Variants in PCDH15 observed in about 807,000 individuals in gnomAD.
PCDH15 encodes protocadherin related 15, also known as protocadherin-15.
PCDH15 carries 129 observed loss-of-function variants against 178.5 expected under a neutral mutation model. That is an observed-to-expected ratio of 0.72 (90% confidence interval 0.63 to 0.84). PCDH15 has a LOEUF of 0.84. Ranked by LOEUF, PCDH15 falls within the 40% of genes least tolerant of loss-of-function variation. The pLI, the probability that PCDH15 is intolerant of heterozygous loss-of-function variation, is 0.00. For missense variants in PCDH15, 2,230 were observed against 2,099.9 expected (o/e 1.06, Z -1.21); for synonymous variants, 800 against 732.0 (o/e 1.09, Z -1.50).
In PCDH15 at chr10:54,348,695, G is replaced by T. The variant is rs562554831; in HGVS notation, c.475-2211C>A. ...ACATATCTATTATATACTTTTTTGT[G>T]GTGAGAGCACTTAAAAAATCTATTT... is the stretch of plus-strand genomic sequence containing the variant. On this transcript the variant is annotated intron_variant, in intron 5 of 37. Transcript: ENST00000644397. 2.0e-5 allele frequency among the ~76,000 whole-genome samples: 3 copies of T among 151,982 alleles called. No individual in the cohort carries two copies. The South Asian group carries it at 6.2e-4, about 32-fold the overall frequency.
intron 8 of PCDH15, among the ~76,000 whole-genome samples, chr10:54,274,558 C>T (rs1048591902): frequency 5.3e-5 from 8 of 150,514 alleles, no homozygotes; most frequent in Non-Finnish European, 4.4e-5. Flanking sequence ...CAACACTATG[C>T]GATGAAAATT....
At chr10:54,244,701 C>T (rs181943792) in intron 8 of PCDH15, among the ~76,000 whole-genome samples, 227 of 152,294 alleles carry the variant, frequency 1.5e-3, no homozygotes, top group African/African-American at 4.7e-3. Context: ...TATTCTGGTT[C>T]CTACTTCTCA....
rs148492975 is a variant in PCDH15, at chr10:54,017,157, G to A, written c.2751+3035C>T. On this transcript the variant is annotated intron_variant, in intron 20 of 37. Coordinates refer to ENST00000644397, the MANE Select transcript of PCDH15 (RefSeq NM_001384140.1). The stretch of plus-strand genomic sequence containing the variant: ...TCCTGCCTCAGCCTCCTGAGTAGCT[G>A]GGGTTACAGTTGTGTGCCACCATGC... 9.1e-3 allele frequency among the ~76,000 whole-genome samples: 1,388 copies of A among 152,146 alleles called. 22 individuals carry two copies. Among genetic ancestry groups the A allele is most frequent in the African/African-American group, 0.033 (1,351 of 41,476 alleles).
At chr10:54,761,729 AAAAC>A (rs892613387) in intron 1 of PCDH15, among the ~76,000 whole-genome samples, 4 of 149,180 alleles carry the variant, frequency 2.7e-5, no homozygotes, top group Non-Finnish European at 4.4e-5. Context: ...AAAACAAAAC[AAAAC>A]AGTTAAGGGG....
At chr10:54,060,152 G>A (rs1287601896) in intron 18 of PCDH15, among the ~76,000 whole-genome samples, 9 of 152,036 alleles carry the variant, frequency 5.9e-5, no homozygotes, top group Non-Finnish European at 1.2e-4. Flanking sequence ...ATGTTGATTT[G>A]TACATTTGTT....
At chr10:55,250,606 G>A (rs1284877843) in intron 1 of PCDH15, among the ~76,000 whole-genome samples, 2 of 138,122 alleles carry the variant, frequency 1.4e-5, no homozygotes, top group African/African-American at 2.8e-5. Context: ...GTGTGATCTC[G>A]GCTCACTGCA....
chr10:55,340,461 C>G (rs958160325), intron 2 of PCDH15, among the ~76,000 whole-genome samples: 4 of 151,844 alleles, frequency 2.6e-5, no homozygotes, highest in African/African-American at 9.7e-5. Flanking sequence ...TCATACTAGA[C>G]TACTCAGTGT....
intron 7 of PCDH15, among the ~76,000 whole-genome samples, chr10:54,320,245 A>C (rs1216292295): frequency 1.3e-5 from 2 of 152,082 alleles, no homozygotes; most frequent in African/African-American, 4.8e-5. Flanking sequence ...AAGAAAAAAC[A>C]AGGAAATCTA....
chr10:55,615,649 A>G (rs1326886305), intron 2 of PCDH15, among the ~76,000 whole-genome samples: 1 of 152,162 alleles, frequency 6.6e-6, no homozygotes, highest in Non-Finnish European at 1.5e-5. Flanking sequence ...AATAAGGTCA[A>G]TTGAGTCTAG....
chr10:55,538,594 CTTCCT>C lies in PCDH15; in HGVS notation c.-156+89026_-156+89030del, dbSNP rs1457264264. Among the ~76,000 whole-genome samples, 67 of 79,102 alleles carry C rather than the reference CTTCCT, an allele frequency of 8.5e-4. 1 individual carries two copies. Among genetic ancestry groups the C allele is most frequent in the East Asian group, 6.5e-3 (7 of 1,072 alleles). The allele number at this position is 79,102 out of a possible 152,430, so 51.9% of individuals were successfully genotyped here. ...CCTTCCTCCTTTCCTTCCTTCCTTC[CTTCCT>C]TCCTTTCCTTCCTTCCTTCCTCCTT... On this transcript the variant is annotated intron_variant, in intron 2 of 5. Coordinates refer to the PCDH15 transcript ENST00000613346.
chr10:55,617,622 C>T (rs1177683247), intron 2 of PCDH15, among the ~76,000 whole-genome samples: 1 of 151,954 alleles, frequency 6.6e-6, no homozygotes, highest in African/African-American at 2.4e-5. Context: ...GCAAGCATAT[C>T]CAGATAAACT....
chr10:54,645,228 G>C (rs2094102421), intron 2 of PCDH15, among the ~76,000 whole-genome samples: 1 of 152,218 alleles, frequency 6.6e-6, no homozygotes, highest in Admixed American at 6.5e-5. Context: ...TGAAGCAGTT[G>C]ATATGCAAAA....
At chr10:54,604,748 A>G (rs2092677469) in intron 2 of PCDH15, among the ~76,000 whole-genome samples, 1 of 151,834 alleles carries the variant, frequency 6.6e-6, no homozygotes, top group South Asian at 2.1e-4. Context: ...TAAAGTAACT[A>G]TTGATAGGGA....
chr10:54,454,298 T>C (rs970967699), intron 3 of PCDH15, among the ~76,000 whole-genome samples: 15 of 149,684 alleles, frequency 1.0e-4, no homozygotes, highest in African/African-American at 3.4e-4. Context: ...ATGCTTTTAA[T>C]TGATAGATTA....
In PCDH15 at chr10:54,384,550, A is replaced by G. The variant is rs1026943117; in HGVS notation, c.158-5608T>C. Among the ~76,000 whole-genome samples, 8 of 152,252 alleles carry G rather than the reference A, an allele frequency of 5.3e-5. No homozygotes were observed. In the East Asian group the frequency reaches 1.4e-3, roughly 26 times the overall value. On this transcript the variant is annotated intron_variant, in intron 3 of 37. Transcript: ENST00000644397. ...AATTGATTAAGTGTCTTAAGAAAAA[A>G]ATCCTCTTGGGTATGCTTGCCTACC...
chr10:55,050,762 T>A (rs1313605076), intron 2 of PCDH15, among the ~76,000 whole-genome samples: 1 of 152,118 alleles, frequency 6.6e-6, no homozygotes, highest in Admixed American at 6.5e-5. Flanking sequence ...GTAGGCAGTC[T>A]GAAAATCCTA....
chr10:54,962,457 G>A (rs1384831469), intron 2 of PCDH15, among the ~76,000 whole-genome samples: 1 of 151,850 alleles, frequency 6.6e-6, no homozygotes, highest in African/African-American at 2.4e-5. Context: ...AAGAGCTGGT[G>A]CCCTTCTGGG....
intron 32 of PCDH15, chr10:53,823,821 TCTC>T (rs1460676591): frequency 2.2e-6 from 1 of 456,150 alleles, no homozygotes; most frequent in Non-Finnish European, 4.4e-6. Flanking sequence ...CCAAAAGTAA[TCTC>T]CTCTCTGAGC....
At chr10:54,612,819 A>G (rs530168015) in intron 2 of PCDH15, among the ~76,000 whole-genome samples, 8 of 151,950 alleles carry the variant, frequency 5.3e-5, no homozygotes, top group African/African-American at 1.9e-4. Context: ...TGTAAGTTCC[A>G]AGTAAGTTTC....
Sources: allele counts gnomAD v4.1 joint callset (sites outside exome capture counted in the v4.1 genomes callset), GRCh38; gene constraint gnomAD v4.1.1; transcripts MANE v1.5; gene names NCBI Gene and HGNC (gene_info 2026-07-23, HGNC 2026-07-21).